SH3TC1: variants seen among roughly 807,000 people sequenced by gnomAD.
SH3TC1 encodes the protein SH3 domain and tetratricopeptide repeat-containing protein 1.
In SH3TC1, 135 loss-of-function variants were observed where a neutral mutation model predicts 117.3. The observed-to-expected ratio is 1.15, with a 90% CI of 1.00 to 1.33. The LOEUF (loss-of-function observed/expected upper bound fraction) is 1.33. Among genes scored for constraint, SH3TC1 ranks in the 40% most tolerant of loss-of-function variants. The pLI, the probability that SH3TC1 is intolerant of heterozygous loss-of-function variation, is 0.00. For synonymous variants in SH3TC1, 898 were observed against 816.9 expected, an observed-to-expected ratio of 1.10 and a Z score of -1.69; for missense variants, 2,092 against 1,794.3, an observed-to-expected ratio of 1.17 and a Z score of -3.00.
In SH3TC1 at chr4:8,209,936, C is replaced by T. The variant is rs762181947; in HGVS notation, c.247+114C>T. 8.6e-6 allele frequency: 9 copies of T among 1,050,226 alleles called. No homozygotes were observed. The highest frequency in any genetic ancestry group is 3.2e-5 in the African/African-American group (2 of 62,430). 65.1% of individuals were successfully genotyped at this position (1,050,226 alleles called of 1,614,324 possible). On this transcript the variant is annotated intron_variant, in intron 3 of 17. Transcript: ENST00000245105. This position sits in a 1 kb window ranked among gnomAD's most constrained non-coding sequence, Gnocchi z 5.9. The stretch of plus-strand genomic sequence containing the variant: ...TCAAAGTGTGGCCTCAGACTTCCCA[C>T]CTTAAAATCATGATGGGAATAGAAA...
chr4:8,189,929 T>A (rs1717363364), intron 1 of SH3TC1, among the ~76,000 whole-genome samples: 1 of 152,092 alleles, frequency 6.6e-6, no homozygotes, highest in Non-Finnish European at 1.5e-5. Context: ...GGTGGACCAG[T>A]GGCCCAGAGA....
chr4:8,217,070 G>A lies in SH3TC1; in HGVS notation c.742G>A (p.Ala248Thr), dbSNP rs1254466494. ...RQASGAPQGEAAPETDSSPPS... is the reference protein window; with the variant it reads ...RQASGAPQGETAPETDSSPPS... Reference sequence around the variant, plus strand: ...GGCTTCGGGGGCACCCCAGGGAGAGGCGGCCCCGGAAACAGACTCTTCACC... The same window carrying A: ...GGCTTCGGGGGCACCCCAGGGAGAGACGGCCCCGGAAACAGACTCTTCACC... Residue 248 changes from alanine (A) to threonine (T), a missense_variant, in exon 7 of 18, where the codon GCG (alanine) becomes ACG (threonine). Transcript: ENST00000245105. 1 of 1,612,846 alleles carries A rather than the reference G, an allele frequency of 6.2e-7. No homozygotes were observed. The highest frequency in any genetic ancestry group is 1.7e-5 in the Admixed American group (1 of 59,902).
chr4:8,238,524 G>A (rs1236155230), intron 17 of SH3TC1, among the ~76,000 whole-genome samples: 1 of 152,162 alleles, frequency 6.6e-6, no homozygotes, highest in Admixed American at 6.5e-5. Context: ...GAGCTCTTGG[G>A]GGCCTTAGAA....
Position 8,228,379 on chromosome 4 carries a change from C to G in SH3TC1, c.2685C>G (p.Asp895Glu). 6.2e-7 allele frequency: 1 copy of G among 1,610,980 alleles called. No homozygotes were observed. Among genetic ancestry groups the G allele is most frequent in the Non-Finnish European group, 8.5e-7 (1 of 1,179,180 alleles). The change falls in exon 12 of 18, where the codon GAC becomes GAG. Residue 895 changes from aspartate (D) to glutamate (E), a missense_variant. Asp to Glu is a conservative substitution (Grantham distance 45). Transcript: ENST00000245105. The stretch of plus-strand genomic sequence containing the variant: ...ACCGCGCCCTGCGGGTGGCTCGGGA[C>G]CTGGGCCAGCAAAGGAACCAGGCAG... ...SYYRALRVAR[D>E]LGQQRNQAVG...
rs750359288 is a variant in SH3TC1, at chr4:8,233,345, A to C, written c.3132-18A>C. The C allele has an allele frequency of 6.3e-7, 1 of 1,592,378 alleles. No homozygotes were observed. The highest frequency in any genetic ancestry group is 8.6e-7 in the Non-Finnish European group (1 of 1,168,626). On this transcript the variant is annotated intron_variant, in intron 13 of 17. Coordinates refer to ENST00000245105, the MANE Select transcript of SH3TC1 (RefSeq NM_018986.5). ...GGAGGATGACAGCCCTTGTTCTGACACCTGTGTCTGATACCAGGGCCTACA... is the reference window on the plus strand; with the variant it reads ...GGAGGATGACAGCCCTTGTTCTGACCCCTGTGTCTGATACCAGGGCCTACA...
intron 11 of SH3TC1, among the ~76,000 whole-genome samples, chr4:8,226,345 C>G (rs1720458287): frequency 6.6e-6 from 1 of 152,172 alleles, no homozygotes; most frequent in Non-Finnish European, 1.5e-5. Flanking sequence ...TCAGACCATC[C>G]AAGGTGAAGG....
chr4:8,231,802 T>C, intron 12 of SH3TC1, 174 bp from the exon 13 acceptor site: 1 of 680,654 alleles, frequency 1.5e-6, no homozygotes, highest in Non-Finnish European at 2.4e-6. Flanking sequence ...GCCTCTACCA[T>C]GGGCATCTGC....
chr4:8,183,523 C>T lies in SH3TC1; in HGVS notation c.-57+1313C>T, dbSNP rs939263398. Among the ~76,000 whole-genome samples the T allele has an allele frequency of 4.6e-5, 7 of 152,336 alleles. No individual in the cohort carries two copies. The highest frequency in any genetic ancestry group is 7.3e-5 in the Non-Finnish European group (5 of 68,032). On this transcript the variant is annotated intron_variant, in intron 1 of 16. Transcript: ENST00000508641. The surrounding 1 kb of genome is among the most constrained non-coding windows in gnomAD (Gnocchi z 5.4). ...GCGGCTCCAGGCTTGGCTGGGATCC[C>T]GCAGTGACGCTTGGGTGTCTTTGGG...
Position 8,211,880 on chromosome 4 carries a change from C to T in SH3TC1, c.248-821C>T, listed in dbSNP as rs1018255285. Among the ~76,000 whole-genome samples, 5 of 152,106 alleles carry T rather than the reference C, an allele frequency of 3.3e-5. 1 individual carries two copies. Among genetic ancestry groups the T allele is most frequent in the African/African-American group, 7.3e-5 (3 of 41,366 alleles). On this transcript the variant is annotated intron_variant, in intron 3 of 17. Transcript: ENST00000245105. ...CGGAAGATTCCGCTGGATGGTGCCACAGGGATGGCCCAGAGTAGGGCCGAT... is the reference window on the plus strand; with the variant it reads ...CGGAAGATTCCGCTGGATGGTGCCATAGGGATGGCCCAGAGTAGGGCCGAT...
chr4:8,217,771 G>A (rs1255086996), intron 7 of SH3TC1, among the ~76,000 whole-genome samples: 1 of 152,246 alleles, frequency 6.6e-6, no homozygotes, highest in African/African-American at 2.4e-5. Flanking sequence ...GACACTGAGA[G>A]TGTTCTGCCA....
At position 8,225,274 on chromosome 4, in the gene SH3TC1, G is replaced by T; in HGVS notation, c.1285+58G>T. 6.4e-7 allele frequency: 1 copy of T among 1,570,114 alleles called. No individual in the cohort carries two copies. The highest frequency in any genetic ancestry group is 8.7e-7 in the Non-Finnish European group (1 of 1,151,124). On this transcript the variant is annotated intron_variant, in intron 11 of 17. Coordinates refer to ENST00000245105, the MANE Select transcript of SH3TC1 (RefSeq NM_018986.5). This position sits in a 1 kb window ranked among gnomAD's most constrained non-coding sequence, Gnocchi z 5.5. Reference sequence around the variant, plus strand: ...GTTATGAGCTGGGCCTTGGGGTAACGCTGGGGGAGGTGACAAAGCTGAGCA... The same window carrying T: ...GTTATGAGCTGGGCCTTGGGGTAACTCTGGGGGAGGTGACAAAGCTGAGCA...
intron 17 of SH3TC1, among the ~76,000 whole-genome samples, chr4:8,238,978 A>G (rs759022256): frequency 1.6e-4 from 24 of 152,026 alleles, no homozygotes; most frequent in Non-Finnish European, 3.2e-4. Flanking sequence ...CCAAGGCCAC[A>G]CCCTCCTCCT....
At chr4:8,215,191 T>G (rs767599651) in intron 5 of SH3TC1, 19 of 456,142 alleles carry the variant, frequency 4.2e-5, no homozygotes, top group Non-Finnish European at 7.5e-5. Context: ...GAAGCTGCCG[T>G]CCAGTGGCCT....
Position 8,219,536 on chromosome 4 carries a change from T to A in SH3TC1, c.1112+6T>A. The A allele has an allele frequency of 6.5e-7, 1 of 1,536,992 alleles. No individual in the cohort carries two copies. The highest frequency in any genetic ancestry group is 1.2e-5 in the South Asian group (1 of 82,706). ...ATGCAGGGCCCCGTGTCCGAGTGAGTGGCTGGAGCCCCGCCCCTTTCCTGA... is the reference window on the plus strand; with the variant it reads ...ATGCAGGGCCCCGTGTCCGAGTGAGAGGCTGGAGCCCCGCCCCTTTCCTGA... On this transcript the variant is annotated splice_donor_region_variant and intron_variant, in intron 9 of 17. Coordinates refer to ENST00000245105, the MANE Select transcript of SH3TC1 (RefSeq NM_018986.5).
intron 13 of SH3TC1, chr4:8,233,059 G>C (rs1429290315): frequency 2.4e-6 from 3 of 1,248,272 alleles, no homozygotes; most frequent in South Asian, 3.4e-5. Flanking sequence ...AACACTGATG[G>C]CTCCTGGTGC....
intron 2 of SH3TC1, among the ~76,000 whole-genome samples, chr4:8,208,254 T>C (rs1170589918): frequency 2.6e-5 from 4 of 152,250 alleles, no homozygotes; most frequent in Non-Finnish European, 4.4e-5. Flanking sequence ...CACACGTTCT[T>C]CTTAGCCCAT....
chr4:8,202,707 C>A (rs956843505), intron 1 of SH3TC1, among the ~76,000 whole-genome samples: 1 of 152,280 alleles, frequency 6.6e-6, no homozygotes, highest in East Asian at 1.9e-4. Flanking sequence ...CGGCTGAGGC[C>A]CTGCACTCTG....
rs773934013 is a variant in SH3TC1 at position 8,228,554 on chromosome 4, C to G, written c.2860C>G (p.His954Asp). ...CACCCACGTGCTCCTGCAGCTGGGC[C>G]ATCTCTGCACCCGCCAGGGCCCGGC... is the stretch of plus-strand genomic sequence containing the variant. ...DFTHVLLQLG[H>D]LCTRQGPAQQ... Residue 954 changes from histidine to aspartate, a missense_variant, in exon 12 of 18, where the codon CAT becomes GAT. Coordinates refer to ENST00000245105, the MANE Select transcript of SH3TC1 (RefSeq NM_018986.5). 1.9e-6 allele frequency: 3 copies of G among 1,607,052 alleles called. No homozygotes were observed. In the South Asian group the frequency reaches 3.3e-5, roughly 18 times the overall value.
Position 8,227,532 on chromosome 4 carries a change from A to T in SH3TC1, c.1838A>T (p.Lys613Met). ...VYANLASIYR[K>M]QKNREKCAQV... ...GCCAACCTGGCCAGCATTTACCGGA[A>T]GCAGAAGAACCGGGAGAAGTGTGCA... The change falls in exon 12 of 18, where the codon AAG becomes ATG. Residue 613 changes from lysine to methionine, a missense_variant. Physicochemically the swap from Lys to Met is moderately conservative, Grantham distance 95. Coordinates refer to ENST00000245105, the MANE Select transcript of SH3TC1 (RefSeq NM_018986.5). The T allele has an allele frequency of 6.5e-7, 1 of 1,533,948 alleles. No homozygotes were observed. The highest frequency in any genetic ancestry group is 8.7e-7 in the Non-Finnish European group (1 of 1,145,156).
Sources: allele counts gnomAD v4.1 joint callset (sites outside exome capture counted in the v4.1 genomes callset), GRCh38; gene constraint gnomAD v4.1.1; non-coding constraint Gnocchi (gnomAD v3.1); transcripts MANE v1.5; gene names NCBI Gene and HGNC (gene_info 2026-07-23, HGNC 2026-07-21).